The following TSGA13 variants were observed in gnomAD, a reference collection of about 807,000 sequenced individuals.
The protein encoded by TSGA13 is testis-specific gene 13 protein.
In TSGA13, 37 loss-of-function variants were observed where a neutral mutation model predicts 35.1. That is an observed-to-expected ratio of 1.05 (90% CI 0.81 to 1.39). The LOEUF (loss-of-function observed/expected upper bound fraction) is 1.39, where lower values mean the gene tolerates loss of function less well. Among genes scored for constraint, TSGA13 ranks in the 40% most tolerant of loss-of-function variants. TSGA13 has a pLI of 0.00. For missense variants in TSGA13, 338 were observed against 328.5 expected, an observed-to-expected ratio of 1.03 and a Z score of -0.22; for synonymous variants, 124 against 121.2, an observed-to-expected ratio of 1.02 and a Z score of -0.15.
At position 130,683,957 on chromosome 7, in the gene TSGA13, T is replaced by G. The variant is rs576803774; in HGVS notation, c.24-285A>C. Among the ~76,000 whole-genome samples, 19 of 152,342 alleles carry G rather than the reference T, an allele frequency of 1.2e-4. No individual in the cohort carries two copies. The East Asian group carries it at 3.7e-3, about 29-fold the overall frequency. On this transcript the variant is annotated intron_variant, in intron 2 of 7. Transcript: ENST00000356588. Reference sequence around the variant, plus strand: ...CTTCTAAAATAAGGATTTTAGACCATTCACAGAAGTGCTCTAACGACTGCT... The same window carrying G: ...CTTCTAAAATAAGGATTTTAGACCAGTCACAGAAGTGCTCTAACGACTGCT...
chr7:130,669,044 C>A lies in TSGA13; in HGVS notation c.798G>T (p.Trp266Cys). ...SAFRNGRAPQWIIKKATVIG is the reference protein window; with the variant it reads ...SAFRNGRAPQCIIKKATVIG ...CGATGACCGTGGCCTTTTTGATAAT[C>A]CACTGCGGGGCCCTCCCGTTGCGGA... The change falls in exon 8 of 8, where the codon TGG becomes TGT. Residue 266 changes from tryptophan (W) to cysteine (C), a missense_variant. Trp to Cys is a radical substitution (Grantham distance 215). Transcript: ENST00000356588. The A allele has an allele frequency of 6.2e-7, 1 of 1,614,180 alleles. No individual in the cohort carries two copies. The highest frequency in any genetic ancestry group is 8.5e-7 in the Non-Finnish European group (1 of 1,180,020).
At position 130,671,766 on chromosome 7, in the gene TSGA13, T is replaced by G; in HGVS notation, c.553A>C (p.Lys185Gln). The change falls in exon 7 of 8, where the codon AAG becomes CAG. Residue 185 changes from lysine to glutamine, a missense_variant. Coordinates refer to ENST00000356588, the MANE Select transcript of TSGA13 (RefSeq NM_052933.4). ...ACTTTTGAATACTTCCCTTCGCTCT[T>G]GAAATCATTGTCAGTGGAAAACCTT... ...WFRFSTDNDFKSEGKYSKVYA... is the reference protein window; with the variant it reads ...WFRFSTDNDFQSEGKYSKVYA... 1 of 1,596,226 alleles carries G rather than the reference T, an allele frequency of 6.3e-7. No individual in the cohort carries two copies. Among genetic ancestry groups the G allele is most frequent in the East Asian group, 2.3e-5 (1 of 44,300 alleles).
Position 130,669,096 on chromosome 7 carries a change from G to A in TSGA13, c.746C>T (p.Thr249Ile). The change falls in exon 8 of 8, where the codon ACC (threonine) becomes ATC (isoleucine). Residue 249 changes from threonine to isoleucine, a missense_variant. By Grantham distance (89) the Thr-to-Ile change is moderately conservative. Coordinates refer to ENST00000356588, the MANE Select transcript of TSGA13 (RefSeq NM_052933.4). ...GGCGCTCTCCCCGGGCGCGGTTCTG[G>A]TGGGCATGTCTTCCAAGAGCGATGC... Reference protein sequence around the residue: ...TLASLLEDMPTRTAPGESAFR... With the variant: ...TLASLLEDMPIRTAPGESAFR... 6.2e-7 allele frequency: 1 copy of A among 1,614,246 alleles called. No homozygotes were observed. The highest frequency in any genetic ancestry group is 8.5e-7 in the Non-Finnish European group (1 of 1,180,034).
At position 130,683,585 on chromosome 7, in the gene TSGA13, A is replaced by G. The variant is rs782666929; in HGVS notation, c.102+9T>C. 1 of 1,610,844 alleles carries G rather than the reference A, an allele frequency of 6.2e-7. No individual in the cohort carries two copies. The highest frequency in any genetic ancestry group is 8.5e-7 in the Non-Finnish European group (1 of 1,178,682). Reference sequence around the variant, plus strand: ...AATTAAACATTGAACACTTACTAACACTCCTTACCTCTTTGCTATTGACAA... The same window carrying G: ...AATTAAACATTGAACACTTACTAACGCTCCTTACCTCTTTGCTATTGACAA... On this transcript the variant is annotated intron_variant, in intron 3 of 7. Coordinates refer to ENST00000356588, the MANE Select transcript of TSGA13 (RefSeq NM_052933.4).
intron 5 of TSGA13, among the ~76,000 whole-genome samples, chr7:130,676,262 TC>T (rs1168341600): frequency 6.6e-6 from 1 of 152,236 alleles, no homozygotes; most frequent in Non-Finnish European, 1.5e-5. Flanking sequence ...GTTTCAATCT[TC>T]TTGGGCTTGT....
intron 4 of TSGA13, 116 bp from the exon 5 acceptor site, chr7:130,679,483 G>C (rs1415528597): frequency 2.2e-6 from 2 of 901,676 alleles, no homozygotes; most frequent in African/African-American, 3.4e-5. Flanking sequence ...GGACAGACTT[G>C]CTGCAAAATC....
chr7:130,680,845 G>T, intron 4 of TSGA13, 101 bp downstream of exon 4: 1 of 1,067,776 alleles, frequency 9.4e-7, no homozygotes, highest in Non-Finnish European at 1.4e-6. Flanking sequence ...AGTCACAGAA[G>T]CTGGGGACAC....
intron 5 of TSGA13, among the ~76,000 whole-genome samples, chr7:130,675,603 T>C (rs1796395039): frequency 6.6e-6 from 1 of 152,228 alleles, no homozygotes; most frequent in East Asian, 1.9e-4. Context: ...CAGGATGGTC[T>C]CAATCTCCTG....
At position 130,679,187 on chromosome 7, in the gene TSGA13, A is replaced by G; in HGVS notation, c.355T>C (p.Tyr119His). 1.2e-6 allele frequency: 2 copies of G among 1,614,108 alleles called. No homozygotes were observed. The highest frequency in any genetic ancestry group is 1.7e-6 in the Non-Finnish European group (2 of 1,180,018). The change falls in exon 5 of 8, where the codon TAT (tyrosine) becomes CAT (histidine). Residue 119 changes from tyrosine to histidine, a missense_variant. Tyr to His is a moderately conservative substitution (Grantham distance 83). Transcript: ENST00000356588. ...TTGAGCAGTAACTCCTTGGAAAAAT[A>G]TTTTGATGCACTCTCCTTGTCTTGC... Reference protein sequence around the residue: ...TQQDKESASKYFSKELLLKVM... With the variant: ...TQQDKESASKHFSKELLLKVM...
intron 5 of TSGA13, among the ~76,000 whole-genome samples, chr7:130,674,952 C>T (rs377698276): frequency 6.6e-6 from 1 of 152,072 alleles, no homozygotes; most frequent in Non-Finnish European, 1.5e-5. Flanking sequence ...TTTGAGTTAT[C>T]TTAAATAATA....
At position 130,668,898 on chromosome 7, in the gene TSGA13, C is replaced by A. The variant is rs532284216; in HGVS notation, c.*116G>T. On this transcript the variant is annotated 3_prime_UTR_variant, in exon 8 of 8. Coordinates refer to ENST00000356588, the MANE Select transcript of TSGA13 (RefSeq NM_052933.4). ...GGAGACTTCGGCTCGACCCTCCCGGCTTGCGACCCGGGAGCCCACGCCCGC... is the reference window on the plus strand; with the variant it reads ...GGAGACTTCGGCTCGACCCTCCCGGATTGCGACCCGGGAGCCCACGCCCGC... 1 of 1,458,582 alleles carries A rather than the reference C, an allele frequency of 6.9e-7. No individual in the cohort carries two copies. Among genetic ancestry groups the A allele is most frequent in the African/African-American group, 1.4e-5 (1 of 69,664 alleles). 90.4% of individuals were successfully genotyped at this position (1,458,582 alleles called of 1,614,324 possible).
At chr7:130,684,289 C>T (rs1359121780) in intron 2 of TSGA13, among the ~76,000 whole-genome samples, 2 of 152,186 alleles carry the variant, frequency 1.3e-5, no homozygotes, top group African/African-American at 4.8e-5. Context: ...TATTTCTGTA[C>T]TCTACTCTGT....
chr7:130,675,385 G>C (rs1394019036), intron 5 of TSGA13, among the ~76,000 whole-genome samples: 5 of 150,716 alleles, frequency 3.3e-5, no homozygotes, highest in Admixed American at 1.3e-4. Flanking sequence ...TTTTTTTGGG[G>C]GGGGTGGGGT....
intron 7 of TSGA13, among the ~76,000 whole-genome samples, chr7:130,670,932 T>C (rs2116295280): frequency 1.3e-5 from 2 of 152,340 alleles, no homozygotes. Context: ...AGGCCTTTTA[T>C]GATCTGTTTC....
chr7:130,673,687 T>A (rs1796338613), intron 5 of TSGA13, among the ~76,000 whole-genome samples: 1 of 152,170 alleles, frequency 6.6e-6, no homozygotes, highest in South Asian at 2.1e-4. Flanking sequence ...CTTTTTTTAA[T>A]CTCATTGGAG....
chr7:130,678,101 G>A (rs1000388437), intron 5 of TSGA13, among the ~76,000 whole-genome samples: 12 of 151,852 alleles, frequency 7.9e-5, no homozygotes, highest in Middle Eastern at 3.2e-3. Flanking sequence ...TGTGTAGGCC[G>A]GGCGCGATGG....
intron 2 of TSGA13, 80 bp from the exon 3 acceptor site, chr7:130,683,752 A>G (rs1275939706): frequency 3.7e-6 from 5 of 1,343,402 alleles, no homozygotes; most frequent in South Asian, 1.3e-5. Context: ...CTCCCTCAAC[A>G]AAGTTTGGAA....
intron 7 of TSGA13, among the ~76,000 whole-genome samples, chr7:130,670,423 C>G (rs1224946779): frequency 6.6e-6 from 1 of 152,066 alleles, no homozygotes; most frequent in African/African-American, 2.4e-5. Context: ...GAGAGAAACC[C>G]AGTAGGAGAA....
intron 4 of TSGA13, among the ~76,000 whole-genome samples, chr7:130,680,356 A>G (rs1370336750): frequency 6.6e-6 from 1 of 152,092 alleles, no homozygotes; most frequent in South Asian, 2.1e-4. Context: ...TATACAAAAA[A>G]TTAGCCAGGC....
Sources: allele counts gnomAD v4.1 joint callset (sites outside exome capture counted in the v4.1 genomes callset), GRCh38; gene constraint gnomAD v4.1.1; transcripts MANE v1.5; gene names NCBI Gene and HGNC (gene_info 2026-07-23, HGNC 2026-07-21).